Variants in IL9R observed in about 807,000 individuals in gnomAD.
IL9R encodes the protein interleukin 9 receptor.
Under a neutral mutation model 56.3 loss-of-function variants are expected in IL9R, and 54 were observed. The observed-to-expected ratio is 0.96, with a 90% confidence interval of 0.77 to 1.20. IL9R has a LOEUF of 1.20. Among genes scored for constraint, IL9R ranks in the 50% most tolerant of loss-of-function variants. The probability of loss-of-function intolerance (pLI) is 0.00; values close to 1 mark genes in which losing one functional copy is unlikely to be tolerated. For missense variants in IL9R, 545 were observed against 629.8 expected, an observed-to-expected ratio of 0.87 and a Z score of 1.44; for synonymous variants, 212 against 250.2, an observed-to-expected ratio of 0.85 and a Z score of 1.44.
intron 8 of IL9R, among the ~76,000 whole-genome samples, chrX:156,009,262 G>GTA (rs2068292619): frequency 1.0e-4 from 5 of 47,748 alleles, no homozygotes; most frequent in Middle Eastern, 8.2e-3. Context: ...CTGTGTGTGT[G>GTA]TGTTTGTGTG....
intron 6 of IL9R, 101 bp downstream of exon 6, chrX:156,005,580 C>T: frequency 1.0e-6 from 1 of 998,530 alleles, no homozygotes; most frequent in Non-Finnish European, 1.5e-6. Context: ...CCTGTAAGCC[C>T]CTCCCCGAGG....
At chrX:156,009,298 ATGTG>A (rs1569479163) in intron 8 of IL9R, among the ~76,000 whole-genome samples, 3 of 58,170 alleles carry the variant, frequency 5.2e-5, no homozygotes, top group Non-Finnish European at 1.0e-4. Flanking sequence ...GTGTGTGTTT[ATGTG>A]TGTGTGTCTG....
At chrX:156,001,197 C>T (rs1194236444) in intron 1 of IL9R, 1 of 610,524 alleles carries the variant, frequency 1.6e-6, no homozygotes, top group East Asian at 2.8e-5. Flanking sequence ...CCGTCTGCTC[C>T]TGGGTTAGCC....
At chrX:156,003,878 G>C in intron 4 of IL9R, 23 bp downstream of exon 4, 1 of 1,612,662 alleles carries the variant, frequency 6.2e-7, no homozygotes, top group South Asian at 1.1e-5. Context: ...TATAGGTCTG[G>C]GGCGGGGCCG....
chrX:156,004,773 CTGTG>C (rs2067799171), intron 5 of IL9R, among the ~76,000 whole-genome samples: 1 of 152,092 alleles, frequency 6.6e-6, no homozygotes, highest in Admixed American at 6.6e-5. Flanking sequence ...GCCTGTGTCT[CTGTG>C]TGTGCACATA....
At chrX:156,007,481 C>T (rs1383539100) in intron 7 of IL9R, 42 bp from the exon 8 acceptor site, 12 of 913,430 alleles carry the variant, frequency 1.3e-5, no homozygotes, top group Non-Finnish European at 2.1e-5. Flanking sequence ...CTCAGGCCAC[C>T]TGGGTCGCCA....
At chrX:156,002,752 C>T (rs866864493) in intron 1 of IL9R, 154 bp from the exon 2 acceptor site, 1 of 1,090,730 alleles carries the variant, frequency 9.2e-7, no homozygotes, top group South Asian at 1.4e-5. Context: ...GGACAGTGGT[C>T]CAGGACGCTG....
intron 1 of IL9R, among the ~76,000 whole-genome samples, chrX:156,002,287 T>G (rs753174705): frequency 1.3e-5 from 2 of 151,566 alleles, no homozygotes; most frequent in African/African-American, 4.9e-5. Flanking sequence ...GAGGCGGAGG[T>G]TGCAGTGAGC....
intron 8 of IL9R, among the ~76,000 whole-genome samples, chrX:156,009,117 CTGTGTA>C (rs2068245106): frequency 4.7e-5 from 5 of 106,370 alleles, no homozygotes; most frequent in African/African-American, 2.0e-4. Context: ...GTTTATGTGT[CTGTGTA>C]TGTTTGTGTG....
At chrX:156,001,046 C>A (rs1430289840) in intron 1 of IL9R, among the ~76,000 whole-genome samples, 1 of 152,132 alleles carries the variant, frequency 6.6e-6, no homozygotes, top group African/African-American at 2.4e-5. Context: ...GATGGCCATA[C>A]CCCCTTGTCG....
At chrX:156,003,362 G>A in intron 2 of IL9R, 87 bp from the exon 3 acceptor site, 1 of 914,872 alleles carries the variant, frequency 1.1e-6, no homozygotes, top group Admixed American at 1.8e-5. Context: ...CCCTGCTAGG[G>A]TGTCAGCTGT....
intron 6 of IL9R, among the ~76,000 whole-genome samples, chrX:156,005,806 G>T (rs192556412): frequency 0.016 from 2,388 of 152,210 alleles, 21 homozygotes; most frequent in Non-Finnish European, 0.024. Context: ...CTTGCGCACT[G>T]CAGTGCTGAG....
At position 156,005,491 on chromosome X, in the gene IL9R, T is replaced by A. The variant is rs2067866857; in HGVS notation, c.781+12T>A. 5 of 1,609,264 alleles carry A rather than the reference T, an allele frequency of 3.1e-6. No homozygotes were observed. The highest frequency in any genetic ancestry group is 1.1e-5 in the South Asian group (1 of 90,912). ...TCCCCAGAGACAAGGTGGGCACTGC[T>A]GTGGCTGCTGCACTTCCAGCGGAGT... On this transcript the variant is annotated intron_variant, in intron 6 of 8. Coordinates refer to ENST00000244174, the MANE Select transcript of IL9R (RefSeq NM_002186.3).
At chrX:156,003,597 G>A (rs1603139312) in intron 3 of IL9R, 37 bp downstream of exon 3, 2 of 1,608,882 alleles carry the variant, frequency 1.2e-6, no homozygotes, top group East Asian at 2.2e-5. Flanking sequence ...GGACAGGGAT[G>A]AGGGTGAGTT....
rs2067513859 is a variant in IL9R at position 156,001,404 on chromosome X, C to G, written c.29-1502C>G. The G allele has an allele frequency of 3.7e-6, 6 of 1,600,642 alleles. No individual in the cohort carries two copies. The African/African-American group carries it at 5.4e-5, about 14-fold the overall frequency. The stretch of plus-strand genomic sequence containing the variant: ...GACTGCCTTCCCCATTCCCACCTTT[C>G]CAGTAACTGCTGCAAGAACGGACAG... On this transcript the variant is annotated intron_variant, in intron 1 of 8. Transcript: ENST00000244174.
intron 1 of IL9R, among the ~76,000 whole-genome samples, chrX:155,998,412 G>A (rs1475160139): frequency 6.6e-6 from 1 of 151,982 alleles, no homozygotes; most frequent in African/African-American, 2.4e-5. Flanking sequence ...GGTCTGGATA[G>A]CCTGTTCTTG....
rs1430254508 is a variant in IL9R at position 156,008,865 on chromosome X, GTGTC to G, written c.973-947_973-944del. On this transcript the variant is annotated intron_variant, in intron 8 of 8. Transcript: ENST00000244174. ...CCAGTCCTGACAGCGATTCGTGTGT[GTGTC>G]TGTGTGTGTGTGTGTGTGTGTTTAT... is the stretch of plus-strand genomic sequence containing the variant. 4.6e-5 allele frequency among the ~76,000 whole-genome samples: 7 copies of G among 151,690 alleles called. No homozygotes were observed. In the South Asian group the frequency reaches 1.3e-3, roughly 27 times the overall value.
chrX:155,999,620 C>T (rs1340315174), intron 1 of IL9R, among the ~76,000 whole-genome samples: 1 of 152,156 alleles, frequency 6.6e-6, no homozygotes, highest in African/African-American at 2.4e-5. Context: ...AGGGAGCTGG[C>T]CCCTGCTCCC....
At chrX:156,000,943 C>T (rs2067480038) in intron 1 of IL9R, among the ~76,000 whole-genome samples, 1 of 152,164 alleles carries the variant, frequency 6.6e-6, no homozygotes, top group Non-Finnish European at 1.5e-5. Flanking sequence ...TCAGTTTCTT[C>T]ATCTGTAGGA....
Sources: allele counts gnomAD v4.1 joint callset (sites outside exome capture counted in the v4.1 genomes callset), GRCh38; gene constraint gnomAD v4.1.1; transcripts MANE v1.5; gene names NCBI Gene and HGNC (gene_info 2026-07-23, HGNC 2026-07-21).